Variants in KLF3 observed in about 807,000 individuals in gnomAD.
KLF3 encodes KLF transcription factor 3, also known as Krueppel-like factor 3.
A neutral mutation model predicts 32.7 loss-of-function variants in KLF3; 6 were observed. The observed-to-expected ratio is 0.18, with a 90% CI of 0.10 to 0.36. The LOEUF is 0.36. Among genes scored for constraint, KLF3 ranks in the 10% least tolerant of loss-of-function variants. The pLI is 1.00. For synonymous variants in KLF3, 145 were observed against 172.8 expected (o/e 0.84, Z 1.26); for missense variants, 338 against 449.7 (o/e 0.75, Z 2.25).
intron 2 of KLF3, among the ~76,000 whole-genome samples, chr4:38,685,328 G>A (rs564582894): frequency 2.0e-5 from 3 of 152,336 alleles, no homozygotes; most frequent in Admixed American, 6.5e-5. Context: ...TCTGCCCAGA[G>A]TTGGGTGTCT....
intron 1 of KLF3, among the ~76,000 whole-genome samples, chr4:38,677,878 AGTGTGTGTGTGTGTGTGTGTGT>A (rs56675939): frequency 6.8e-6 from 1 of 146,214 alleles, no homozygotes; most frequent in Non-Finnish European, 1.5e-5. Flanking sequence ...GGGCAAAAGG[AGTGTGTGTGTGTGTGTGTGTGT>A]GTGTGTGTGT....
intron 1 of KLF3, among the ~76,000 whole-genome samples, chr4:38,676,615 A>G (rs1174080443): frequency 2.6e-5 from 4 of 152,178 alleles, no homozygotes; most frequent in Non-Finnish European, 5.9e-5. Context: ...GACTATCACT[A>G]AAAGCATCAT....
intron 1 of KLF3, among the ~76,000 whole-genome samples, chr4:38,669,326 T>C (rs1283723990): frequency 6.6e-6 from 1 of 152,046 alleles, no homozygotes; most frequent in Non-Finnish European, 1.5e-5. Flanking sequence ...TGGAAGAGGG[T>C]TATGGTGGTC....
chr4:38,684,642 C>T (rs1232761652), intron 2 of KLF3, among the ~76,000 whole-genome samples: 1 of 148,374 alleles, frequency 6.7e-6, no homozygotes, highest in Non-Finnish European at 1.5e-5. Flanking sequence ...CAACCTCAAA[C>T]GCCTGGGTTC....
Position 38,688,561 on chromosome 4 carries a change from C to G in KLF3, c.58-24C>G, listed in dbSNP as rs375864674. Reference sequence around the variant, plus strand: ...AAATGGACTTATTTGGCTGTTGACACGTTTTCCTTTTCTTTTCTAATAGTC... The same window carrying G: ...AAATGGACTTATTTGGCTGTTGACAGGTTTTCCTTTTCTTTTCTAATAGTC... On this transcript the variant is annotated intron_variant, in intron 2 of 5. Coordinates refer to ENST00000261438, the MANE Select transcript of KLF3 (RefSeq NM_016531.6). This position sits in a 1 kb window ranked among gnomAD's most constrained non-coding sequence, Gnocchi z 4.9. 9.5e-5 allele frequency: 148 copies of G among 1,551,774 alleles called. No individual in the cohort carries two copies. In the African/African-American group the frequency reaches 1.8e-3, roughly 19 times the overall value.
intron 1 of KLF3, among the ~76,000 whole-genome samples, chr4:38,677,014 G>A (rs1434757496): frequency 7.1e-6 from 1 of 141,560 alleles, no homozygotes; most frequent in African/African-American, 2.7e-5. Flanking sequence ...CAAGCTGAGT[G>A]CAGTGGTGCT....
rs1224203452 is a variant in KLF3, at chr4:38,689,116, C to G, written c.544+45C>G. 6.3e-6 allele frequency: 10 copies of G among 1,598,758 alleles called. No individual in the cohort carries two copies. The Admixed American group carries it at 1.7e-4, about 27-fold the overall frequency. On this transcript the variant is annotated intron_variant, in intron 3 of 5. Transcript: ENST00000261438. ...CATGCTGCTGCACTTGCTTAGCGTACTGGCGCTTCACCAGATGGGGTGGGT... is the reference window on the plus strand; with the variant it reads ...CATGCTGCTGCACTTGCTTAGCGTAGTGGCGCTTCACCAGATGGGGTGGGT...
At chr4:38,695,007 A>ACG in intron 5 of KLF3, 101 bp downstream of exon 5, 1 of 1,077,364 alleles carries the variant, frequency 9.3e-7, no homozygotes, top group Non-Finnish European at 1.3e-6. Context: ...CTTGAAAGTC[A>ACG]CCACAGTCAT....
At chr4:38,690,153 T>C (rs993229998) in intron 4 of KLF3, 1 of 402,946 alleles carries the variant, frequency 2.5e-6, no homozygotes, top group Non-Finnish European at 4.4e-6. Context: ...GAATTATTTT[T>C]GTTTTTTTTC....
At chr4:38,676,629 T>G (rs1393641808) in intron 1 of KLF3, among the ~76,000 whole-genome samples, 2 of 152,168 alleles carry the variant, frequency 1.3e-5, no homozygotes, top group African/African-American at 4.8e-5. Flanking sequence ...GCATCATCAT[T>G]TAAAAGCTAT....
chr4:38,666,897 G>T (rs975202297), intron 1 of KLF3, among the ~76,000 whole-genome samples: 1 of 151,674 alleles, frequency 6.6e-6, no homozygotes, highest in Non-Finnish European at 1.5e-5. Flanking sequence ...GATGCACTGA[G>T]GCTGAACCAT....
chr4:38,693,250 T>G (rs914179121), intron 4 of KLF3, among the ~76,000 whole-genome samples: 1 of 151,072 alleles, frequency 6.6e-6, no homozygotes, highest in Non-Finnish European at 1.5e-5. Flanking sequence ...TATCCATCTC[T>G]ACCACCCTTC....
chr4:38,690,431 C>G (rs1305397198), intron 4 of KLF3: 2 of 152,236 alleles, frequency 1.3e-5, no homozygotes, highest in African/African-American at 2.4e-5. Context: ...TTTGTGGGAT[C>G]CTGCTGTAGA....
rs1177894660 is a variant in KLF3, at chr4:38,699,498, T to C, written c.*2235T>C. On this transcript the variant is annotated 3_prime_UTR_variant, in exon 6 of 6. Transcript: ENST00000261438. ...ACCAGTTTATGTGTGTTCCAATCCA[T>C]AGAGAAGTGGGGGAAAGGGCGAGAA... 2 of 152,182 alleles carry C rather than the reference T, an allele frequency of 1.3e-5. No individual in the cohort carries two copies. Among genetic ancestry groups the C allele is most frequent in the South Asian group, 2.1e-4 (1 of 4,838 alleles). The allele number at this position is 152,182 out of a possible 1,614,324, so 9.4% of individuals were successfully genotyped here. A position where few individuals can be genotyped will look rare whatever the true frequency, so the allele number is the denominator to read the frequency against.
chr4:38,687,143 C>T (rs1325799688), intron 2 of KLF3, among the ~76,000 whole-genome samples: 1 of 152,206 alleles, frequency 6.6e-6, no homozygotes, highest in Non-Finnish European at 1.5e-5. Flanking sequence ...AGTATTGCCT[C>T]TAACTCTTAA....
chr4:38,668,500 A>C (rs1178203258), intron 1 of KLF3, among the ~76,000 whole-genome samples: 2 of 152,206 alleles, frequency 1.3e-5, no homozygotes, highest in Non-Finnish European at 2.9e-5. Context: ...AATATAAAAT[A>C]TGATATTAAG....
chr4:38,667,660 G>A (rs1408682432), intron 1 of KLF3, among the ~76,000 whole-genome samples: 3 of 152,224 alleles, frequency 2.0e-5, no homozygotes, highest in African/African-American at 4.8e-5. Context: ...TGGTTAGGGC[G>A]TTTGTTTTAA....
Position 38,689,222 on chromosome 4 carries a change from C to A in KLF3, c.544+151C>A, listed in dbSNP as rs537695491. ...TAAGGCATTTCCTTCCCCCGCCCCCCCAAAGTGTTGATACTGGAAGAGATC... is the reference window on the plus strand; with the variant it reads ...TAAGGCATTTCCTTCCCCCGCCCCCACAAAGTGTTGATACTGGAAGAGATC... On this transcript the variant is annotated intron_variant, in intron 3 of 5. Transcript: ENST00000261438. The A allele has an allele frequency of 1.4e-3, 1,317 of 974,898 alleles. 6 individuals are homozygous for A. The highest frequency in any genetic ancestry group is 5.8e-3 in the South Asian group (339 of 58,130). 60.4% of individuals were successfully genotyped at this position (974,898 alleles called of 1,614,324 possible). A position where few individuals can be genotyped will look rare whatever the true frequency, so the allele number is the denominator to read the frequency against.
At chr4:38,695,648 G>C (rs1723027240) in intron 5 of KLF3, among the ~76,000 whole-genome samples, 1 of 152,160 alleles carries the variant, frequency 6.6e-6, no homozygotes, top group Non-Finnish European at 1.5e-5. Context: ...GAAGCAGGAG[G>C]ATTGTTTGAG....
Sources: allele counts gnomAD v4.1 joint callset (sites outside exome capture counted in the v4.1 genomes callset), GRCh38; gene constraint gnomAD v4.1.1; non-coding constraint Gnocchi (gnomAD v3.1); transcripts MANE v1.5; gene names NCBI Gene and HGNC (gene_info 2026-07-23, HGNC 2026-07-21).